The following PARD3 variants were observed in gnomAD, a reference collection of about 807,000 sequenced individuals.
The protein encoded by PARD3 is partitioning defective 3 homolog.
A neutral mutation model predicts 155.4 loss-of-function variants in PARD3; 75 were observed. That is an observed-to-expected ratio of 0.48 (90% CI 0.40 to 0.58). The LOEUF is 0.58. Ranked by LOEUF, PARD3 falls within the 20% of genes least tolerant of loss-of-function variation. The pLI, the probability that PARD3 is intolerant of heterozygous loss-of-function variation, is 0.00. For missense variants in PARD3, 1,642 were observed against 1,721.7 expected, an observed-to-expected ratio of 0.95 and a Z score of 0.82; for synonymous variants, 576 against 610.5, an observed-to-expected ratio of 0.94 and a Z score of 0.83.
chr10:34,275,389 T>C (rs1289402513), intron 21 of PARD3, among the ~76,000 whole-genome samples: 2 of 152,216 alleles, frequency 1.3e-5, no homozygotes, highest in Non-Finnish European at 2.9e-5. Context: ...ATCTGGTCAG[T>C]AGCCTGAACT....
chr10:34,136,582 G>A (rs1010632028), intron 22 of PARD3, among the ~76,000 whole-genome samples: 2 of 152,102 alleles, frequency 1.3e-5, no homozygotes, highest in African/African-American at 2.4e-5. Context: ...TAGACAGGAG[G>A]AGGAAATGAA....
At chr10:34,510,688 C>T (rs1379509685) in intron 3 of PARD3, among the ~76,000 whole-genome samples, 2 of 151,124 alleles carry the variant, frequency 1.3e-5, no homozygotes, top group Non-Finnish European at 2.9e-5. Context: ...TGTGTGTTTC[C>T]TTTATTTTTT....
intron 2 of PARD3, among the ~76,000 whole-genome samples, chr10:34,570,588 C>T (rs949852442): frequency 6.6e-6 from 1 of 152,192 alleles, no homozygotes; most frequent in Non-Finnish European, 1.5e-5. Context: ...ACTAAAGTTT[C>T]GATGCCTTGG....
Position 34,111,357 on chromosome 10 carries a change from C to A in PARD3, c.3874G>T (p.Glu1292Ter). The change falls in exon 25 of 25, where the codon GAG becomes TAG. Residue 1292 changes from glutamate (E) to a stop codon, truncating the protein, a stop_gained. Coordinates refer to ENST00000374788, the MANE Select transcript of PARD3 (RefSeq NM_001184785.2). LOFTEE classifies it high-confidence loss of function. ...ELLRQEQRRK[E>*]QQMKKQPPSE... ...GGAGGCTGCTTCTTCATCTGCTGCTCCTTCCGCCTCTGTTCCTGGCGAAGG... is the reference window on the plus strand; with the variant it reads ...GGAGGCTGCTTCTTCATCTGCTGCTACTTCCGCCTCTGTTCCTGGCGAAGG... The A allele has an allele frequency of 6.2e-7, 1 of 1,614,068 alleles. No homozygotes were observed. The highest frequency in any genetic ancestry group is 2.2e-5 in the East Asian group (1 of 44,860).
chr10:34,791,189 G>A (rs2134244999), intron 1 of PARD3, among the ~76,000 whole-genome samples: 1 of 152,322 alleles, frequency 6.6e-6, no homozygotes, highest in African/African-American at 2.4e-5. Context: ...TGCCCTGAGT[G>A]AGAAGCACTG....
chr10:34,372,525 T>C lies in PARD3; in HGVS notation c.1680A>G (p.Pro560=). The change falls in exon 12 of 25, where the codon CCA becomes CCG. Residue 560 remains proline (P), a synonymous_variant. Transcript: ENST00000374788. ...AFHPRELNAE[P]SQMQIPKETK... ...TTTCTTTTGGAATCTGCATCTGGCT[T>C]GGCTCTGCATTCTAGAAGAATTGAA... The C allele has an allele frequency of 6.2e-7, 1 of 1,610,426 alleles. No individual in the cohort carries two copies. The highest frequency in any genetic ancestry group is 8.5e-7 in the Non-Finnish European group (1 of 1,176,840).
At chr10:34,203,152 T>G (rs1352869229) in intron 22 of PARD3, among the ~76,000 whole-genome samples, 1 of 152,208 alleles carries the variant, frequency 6.6e-6, no homozygotes, top group Non-Finnish European at 1.5e-5. Flanking sequence ...TTATGGCACT[T>G]TGGAGTGTGG....
chr10:34,378,747 C>T (rs929817037), intron 9 of PARD3, among the ~76,000 whole-genome samples: 1 of 152,198 alleles, frequency 6.6e-6, no homozygotes, highest in Non-Finnish European at 1.5e-5. Context: ...AGGCAAATTA[C>T]TCAGTGAAGA....
At chr10:34,354,808 T>G (rs1181366541) in intron 14 of PARD3, among the ~76,000 whole-genome samples, 1 of 152,106 alleles carries the variant, frequency 6.6e-6, no homozygotes, top group African/African-American at 2.4e-5. Context: ...GTCCCCATGA[T>G]GGAGACTGGT....
At chr10:34,679,630 G>A (rs2093775015) in intron 2 of PARD3, among the ~76,000 whole-genome samples, 1 of 152,152 alleles carries the variant, frequency 6.6e-6, no homozygotes, top group Non-Finnish European at 1.5e-5. Context: ...TACGAATTAG[G>A]AGTCTGGAAC....
chr10:34,226,433 C>A (rs1281553092), intron 22 of PARD3, among the ~76,000 whole-genome samples: 2 of 152,158 alleles, frequency 1.3e-5, no homozygotes, highest in East Asian at 1.9e-4. Context: ...GCCGGTAATC[C>A]CAGCTATTTG....
At chr10:34,775,735 T>A (rs10159621) in intron 1 of PARD3, among the ~76,000 whole-genome samples, 9,976 of 152,238 alleles carry the variant, frequency 0.066, 1,090 homozygotes, top group African/African-American at 0.23. Flanking sequence ...ACCAAAGAAG[T>A]GGAGAGAACT....
intron 5 of PARD3, among the ~76,000 whole-genome samples, chr10:34,409,651 A>G (rs1460041736): frequency 1.3e-5 from 2 of 152,236 alleles, no homozygotes; most frequent in Non-Finnish European, 2.9e-5. Context: ...GGGTTCTCCC[A>G]CCACACACTA....
intron 6 of PARD3, among the ~76,000 whole-genome samples, chr10:34,400,586 C>A (rs145197242): frequency 6.6e-6 from 1 of 152,190 alleles, no homozygotes; most frequent in East Asian, 1.9e-4. Context: ...TCAATTATTA[C>A]CAATGAATTT....
At chr10:34,319,098 T>C (rs1161201155) in intron 19 of PARD3, among the ~76,000 whole-genome samples, 2 of 121,850 alleles carry the variant, frequency 1.6e-5, no homozygotes, top group Admixed American at 8.8e-5. Flanking sequence ...TTTTTTTTTT[T>C]CTTCTTCTTG....
rs574446237 is a variant in PARD3, at chr10:34,414,319, C to T, written c.715-12402G>A. 1.5e-4 allele frequency among the ~76,000 whole-genome samples: 23 copies of T among 152,124 alleles called. 1 individual carries two copies. The South Asian group carries it at 4.8e-3, about 32-fold the overall frequency. Reference sequence around the variant, plus strand: ...AAGCATGTCTACTGTACCCACATGCCTAAGAAGAGCACTGCTATGGCTCAG... The same window carrying T: ...AAGCATGTCTACTGTACCCACATGCTTAAGAAGAGCACTGCTATGGCTCAG... On this transcript the variant is annotated intron_variant, in intron 5 of 24. Transcript: ENST00000374788.
chr10:34,681,753 TATATATATATATATA>T lies in PARD3; in HGVS notation c.222+14550_222+14564del, dbSNP rs1196448919. Among the ~76,000 whole-genome samples the T allele has an allele frequency of 3.8e-3, 72 of 19,012 alleles. 1 individual carries two copies. The highest frequency in any genetic ancestry group is 0.017 in the African/African-American group (66 of 3,792). 12.5% of individuals were successfully genotyped at this position (19,012 alleles called of 152,430 possible). ...TTTTATATATATATATATATATATA[TATATATATATATATA>T]TTTTTTTTTTTTTTTTTTTTTTTTT... On this transcript the variant is annotated intron_variant, in intron 2 of 24. Transcript: ENST00000374788.
chr10:34,722,276 GTA>G (rs1564546371), intron 1 of PARD3, among the ~76,000 whole-genome samples: 1 of 152,024 alleles, frequency 6.6e-6, no homozygotes, highest in East Asian at 1.9e-4. Context: ...GTTTATCTAT[GTA>G]TATATAGATT....
At chr10:34,796,480 G>A (rs1489146768) in intron 1 of PARD3, among the ~76,000 whole-genome samples, 2 of 152,080 alleles carry the variant, frequency 1.3e-5, no homozygotes, top group Non-Finnish European at 2.9e-5. Flanking sequence ...TATCAACTTG[G>A]GGTTAAGTGT....
Sources: gnomAD v4.1 joint callset for allele counts (sites outside exome capture counted in the v4.1 genomes callset) on GRCh38, gnomAD v4.1.1 for gene constraint, MANE v1.5 for transcripts, NCBI Gene and HGNC (gene_info 2026-07-23, HGNC 2026-07-21) for gene names.